The following TMEM178B variants were observed in gnomAD, a reference collection of about 807,000 sequenced individuals.
TMEM178B encodes transmembrane protein 178B.
Under a neutral mutation model 31.0 loss-of-function variants are expected in TMEM178B, and 5 were observed. The ratio of observed to expected loss-of-function variants is 0.16; its 90% CI spans 0.08 to 0.34. TMEM178B has a LOEUF of 0.34. Among genes scored for constraint, TMEM178B ranks in the 10% least tolerant of loss-of-function variants. TMEM178B has a pLI of 1.00. For missense variants in TMEM178B, 275 were observed against 400.3 expected (o/e 0.69, Z 2.67); for synonymous variants, 164 against 164.0 (o/e 1.00, Z 0.00).
chr7:141,182,965 T>A (rs1320836944), intron 1 of TMEM178B, among the ~76,000 whole-genome samples: 1 of 152,216 alleles, frequency 6.6e-6, no homozygotes, highest in Non-Finnish European at 1.5e-5. Flanking sequence ...TAATACAGCT[T>A]TGAATAGTCA....
intron 1 of TMEM178B, among the ~76,000 whole-genome samples, chr7:141,169,670 C>T (rs1323291125): frequency 6.6e-6 from 1 of 152,164 alleles, no homozygotes; most frequent in Non-Finnish European, 1.5e-5. Flanking sequence ...TTGCAGAAAA[C>T]TCTGGGGATA....
intron 2 of TMEM178B, among the ~76,000 whole-genome samples, chr7:141,261,268 C>A (rs1234573446): frequency 6.6e-6 from 1 of 151,566 alleles, no homozygotes; most frequent in Non-Finnish European, 1.5e-5. Flanking sequence ...AGAGGTGGTT[C>A]TACTTCTTCC....
chr7:141,227,727 T>G (rs191546166), intron 2 of TMEM178B, among the ~76,000 whole-genome samples: 32 of 152,262 alleles, frequency 2.1e-4, no homozygotes, highest in African/African-American at 7.7e-4. Context: ...GGATATGAAC[T>G]TCGCAAAATA....
At chr7:141,423,595 C>G (rs1801255524) in intron 2 of TMEM178B, among the ~76,000 whole-genome samples, 1 of 152,114 alleles carries the variant, frequency 6.6e-6, no homozygotes, top group Non-Finnish European at 1.5e-5. Context: ...GGGCTCAGAA[C>G]TAAGAGTTTG....
chr7:141,266,132 A>G (rs1798091505), intron 2 of TMEM178B, among the ~76,000 whole-genome samples: 1 of 152,240 alleles, frequency 6.6e-6, no homozygotes, highest in African/African-American at 2.4e-5. Context: ...TGTCTCTTAA[A>G]TACCCTCTTA....
In TMEM178B at chr7:141,261,314, G is replaced by GT. The variant is rs1267426381; in HGVS notation, c.496+48621dup. On this transcript the variant is annotated intron_variant, in intron 2 of 3. Coordinates refer to ENST00000565468, the MANE Select transcript of TMEM178B (RefSeq NM_001195278.2). ...AAATTGGGAAACCTCACTTGTATAGGTTTTTTTTTTTATTGTCTCCCAAAG... is the reference window on the plus strand; with the variant it reads ...AAATTGGGAAACCTCACTTGTATAGGTTTTTTTTTTTTATTGTCTCCCAAAG... Among the ~76,000 whole-genome samples, 154 of 146,040 alleles carry GT rather than the reference G, an allele frequency of 1.1e-3. 2 individuals are homozygous for GT. The highest frequency in any genetic ancestry group is 3.2e-3 in the East Asian group (16 of 5,048).
chr7:141,508,665 C>G, the TMEM178B span, among the ~76,000 whole-genome samples: 2 of 152,172 alleles, frequency 1.3e-5, no homozygotes, highest in Non-Finnish European at 2.9e-5. Flanking sequence ...AAAGGCACTT[C>G]TTACATGGTG....
downstream of TMEM178B, among the ~76,000 whole-genome samples, chr7:141,484,162 T>C (rs532637323): frequency 1.1e-4 from 17 of 152,344 alleles, no homozygotes; most frequent in South Asian, 3.1e-3. This position sits in a 1 kb window ranked among gnomAD's most constrained non-coding sequence, Gnocchi z 4.8. Flanking sequence ...AACACATTTA[T>C]TGTATTCAAT....
chr7:141,184,519 G>T (rs1051859258), intron 1 of TMEM178B, among the ~76,000 whole-genome samples: 1 of 152,116 alleles, frequency 6.6e-6, no homozygotes, highest in African/African-American at 2.4e-5. Flanking sequence ...AACTTTGAGG[G>T]TCTCCTGCCA....
intron 1 of TMEM178B, among the ~76,000 whole-genome samples, chr7:141,079,006 G>A (rs569220760): frequency 4.6e-5 from 7 of 152,184 alleles, no homozygotes; most frequent in Admixed American, 2.0e-4. Flanking sequence ...AATAAAATAG[G>A]CTGGGCACAG....
chr7:141,237,293 G>C (rs576611790), intron 2 of TMEM178B, among the ~76,000 whole-genome samples: 1 of 152,202 alleles, frequency 6.6e-6, no homozygotes, highest in African/African-American at 2.4e-5. Context: ...AATATACAGA[G>C]AGTTTTAAAT....
Position 141,479,246 on chromosome 7 carries a change from T to G in TMEM178B, c.*8460T>G, listed in dbSNP as rs2116743278. The G allele has an allele frequency of 6.6e-6, 1 of 152,352 alleles. No homozygotes were observed. Among genetic ancestry groups the G allele is most frequent in the Middle Eastern group, 3.4e-3 (1 of 294 alleles). The allele number at this position is 152,352 out of a possible 1,614,324, so 9.4% of individuals were successfully genotyped here. On this transcript the variant is annotated 3_prime_UTR_variant, in exon 4 of 4. Transcript: ENST00000565468. ...AAGATCTCTACAACATTTCGTCACCTGGGCCAGTCACCTGCTAATATCATC... is the reference window on the plus strand; with the variant it reads ...AAGATCTCTACAACATTTCGTCACCGGGGCCAGTCACCTGCTAATATCATC...
chr7:141,461,533 C>T lies in TMEM178B; in HGVS notation c.635-9003C>T, dbSNP rs766734292. Among the ~76,000 whole-genome samples the T allele has an allele frequency of 1.1e-4, 16 of 152,236 alleles. No homozygotes were observed. Among genetic ancestry groups the T allele is most frequent in the African/African-American group, 3.9e-4 (16 of 41,454 alleles). On this transcript the variant is annotated intron_variant, in intron 3 of 3. Coordinates refer to ENST00000565468, the MANE Select transcript of TMEM178B (RefSeq NM_001195278.2). This position sits in a 1 kb window ranked among gnomAD's most constrained non-coding sequence, Gnocchi z 4.0. ...TGCCCTGAATCTCTGTGAGAAGCCT[C>T]GTGAGGGCCTCAGTTTCCTAGGAGA...
intron 2 of TMEM178B, among the ~76,000 whole-genome samples, chr7:141,266,565 CT>C (rs2116370603): frequency 6.6e-6 from 1 of 152,246 alleles, no homozygotes; most frequent in South Asian, 2.1e-4. Flanking sequence ...TTCCTGCAGG[CT>C]TTTGGCTTAA....
At chr7:141,075,008 T>C (rs191214995) in intron 1 of TMEM178B, among the ~76,000 whole-genome samples, 23 of 152,322 alleles carry the variant, frequency 1.5e-4, no homozygotes, top group Non-Finnish European at 3.2e-4. Context: ...ATCTGGAACG[T>C]TGTTTGTGCT....
chr7:141,238,451 T>C (rs1242720879), intron 2 of TMEM178B, among the ~76,000 whole-genome samples: 1 of 152,172 alleles, frequency 6.6e-6, no homozygotes, highest in Non-Finnish European at 1.5e-5. Context: ...GCTTTTGATA[T>C]ATCTTAACTG....
the TMEM178B span, among the ~76,000 whole-genome samples, chr7:141,494,881 T>C: frequency 4.1e-4 from 62 of 152,194 alleles, no homozygotes; most frequent in Admixed American, 3.8e-3. Flanking sequence ...TGGGATTTGC[T>C]TCACGATAAT....
intron 2 of TMEM178B, among the ~76,000 whole-genome samples, chr7:141,217,392 C>G (rs939738526): frequency 6.6e-6 from 1 of 152,194 alleles, no homozygotes; most frequent in African/African-American, 2.4e-5. Context: ...TCAGAGGAAG[C>G]TGAGAAAACA....
intron 2 of TMEM178B, among the ~76,000 whole-genome samples, chr7:141,303,681 C>T (rs1798765999): frequency 6.6e-6 from 1 of 152,200 alleles, no homozygotes; most frequent in Non-Finnish European, 1.5e-5. Context: ...ATGATTCCTA[C>T]TTTATGCCTC....
Sources: allele counts gnomAD v4.1 joint callset (sites outside exome capture counted in the v4.1 genomes callset), GRCh38; gene constraint gnomAD v4.1.1; non-coding constraint Gnocchi (gnomAD v3.1); transcripts MANE v1.5; gene names NCBI Gene and HGNC (gene_info 2026-07-23, HGNC 2026-07-21).